The following HPR variants were observed in gnomAD, a reference collection of about 807,000 sequenced individuals.
HPR encodes the protein haptoglobin-related protein.
Under a neutral mutation model 18.5 loss-of-function variants are expected in HPR, and 17 were observed. The observed-to-expected ratio is 0.92, with a 90% CI of 0.63 to 1.38. The LOEUF (loss-of-function observed/expected upper bound fraction) is 1.38, where lower values mean the gene tolerates loss of function less well. HPR is among the 40% of genes most tolerant of loss of function. The pLI, the probability that HPR is intolerant of heterozygous loss-of-function variation, is 0.00. For synonymous variants in HPR, 176 were observed against 165.0 expected, an observed-to-expected ratio of 1.07 and a Z score of -0.51; for missense variants, 457 against 432.4, an observed-to-expected ratio of 1.06 and a Z score of -0.51.
At chr16:72,075,802 T>C (rs1567590976) in intron 4 of HPR, among the ~76,000 whole-genome samples, 1 of 152,218 alleles carries the variant, frequency 6.6e-6, no homozygotes, top group East Asian at 1.9e-4. Flanking sequence ...TGAATTATTG[T>C]AGCTCCTAGC....
Position 72,076,303 on chromosome 16 carries a change from T to C in HPR, c.269T>C (p.Val90Ala), listed in dbSNP as rs756454655. ...ACGAGTGTCTTGCTCTCCTTGACAG[T>C]ATGTGGGAAGCCCAAGAATCCGGCA... ...VGDKLPECEA[V>A]CGKPKNPANP... is the part of the protein sequence containing the mutation. The change falls in exon 5 of 5, where the codon GTA becomes GCA. Residue 90 changes from valine (V) to alanine (A), a missense_variant and splice_region_variant. Val to Ala is a moderately conservative substitution (Grantham distance 64). Coordinates refer to ENST00000540303, the MANE Select transcript of HPR (RefSeq NM_020995.4). The C allele has an allele frequency of 9.3e-6, 15 of 1,612,796 alleles. No homozygotes were observed. The highest frequency in any genetic ancestry group is 1.7e-4 in the Middle Eastern group (1 of 6,008).
chr16:72,067,390 G>A (rs571572966), intron 1 of HPR, among the ~76,000 whole-genome samples: 1 of 152,140 alleles, frequency 6.6e-6, no homozygotes, highest in East Asian at 1.9e-4. Flanking sequence ...AGAAAATACA[G>A]AAGTCAAGTA....
At position 72,076,735 on chromosome 16, in the gene HPR, T is replaced by C. The variant is rs1254092370; in HGVS notation, c.701T>C (p.Leu234Pro). ...SGWGQSDNFK[L>P]TDHLKYVMLP... ...TGGGGACAAAGTGACAACTTTAAAC[T>C]TACTGACCATCTGAAGTATGTCATG... The change falls in exon 5 of 5, where the codon CTT (leucine) becomes CCT (proline). Residue 234 changes from leucine (L) to proline (P), a missense_variant. By Grantham distance (98) the Leu-to-Pro change is moderately conservative (BLOSUM62 -3). Transcript: ENST00000540303. 2 of 1,614,198 alleles carry C rather than the reference T, an allele frequency of 1.2e-6. No individual in the cohort carries two copies. Among genetic ancestry groups the C allele is most frequent in the Non-Finnish European group, 1.7e-6 (2 of 1,180,038 alleles).
In HPR at chr16:72,077,053, G is replaced by C. The variant is rs776331917; in HGVS notation, c.1019G>C (p.Trp340Ser). 13 of 1,613,208 alleles carry C rather than the reference G, an allele frequency of 8.1e-6. No individual in the cohort carries two copies. The highest frequency in any genetic ancestry group is 1.3e-5 in the African/African-American group (1 of 74,696). Residue 340 changes from tryptophan (W) to serine (S), a missense_variant, in exon 5 of 5, where the codon TGG (tryptophan) becomes TCG (serine). Coordinates refer to ENST00000540303, the MANE Select transcript of HPR (RefSeq NM_020995.4). ...VYVKVTSIQH[W>S]VQKTIAEN ...GTGAAGGTGACTTCCATCCAGCACT[G>C]GGTTCAGAAGACCATAGCTGAGAAC...
chr16:72,067,166 A>G (rs2041606618), intron 1 of HPR, among the ~76,000 whole-genome samples: 1 of 152,204 alleles, frequency 6.6e-6, no homozygotes, highest in Non-Finnish European at 1.5e-5. Flanking sequence ...GAAGAGGAAC[A>G]GGGAAGTCAG....
chr16:72,077,087 G>T lies in HPR; in HGVS notation c.*6G>T. 1 of 1,602,740 alleles carries T rather than the reference G, an allele frequency of 6.2e-7. No homozygotes were observed. The highest frequency in any genetic ancestry group is 1.1e-5 in the South Asian group (1 of 90,220). On this transcript the variant is annotated 3_prime_UTR_variant, in exon 5 of 5. Transcript: ENST00000540303. ...AGACCATAGCTGAGAACTAATGCAAGGCTGGCCGGAAGCCCTTGCCTGAAA... is the reference window on the plus strand; with the variant it reads ...AGACCATAGCTGAGAACTAATGCAATGCTGGCCGGAAGCCCTTGCCTGAAA...
chr16:72,077,232 C>A lies in HPR; in HGVS notation c.*151C>A, dbSNP rs2041743268. On this transcript the variant is annotated 3_prime_UTR_variant, in exon 5 of 5. Coordinates refer to ENST00000540303, the MANE Select transcript of HPR (RefSeq NM_020995.4). ...CATTGCTGAGTCAATCAATAAAGAG[C>A]TTTCTTTTGACCCATTTCTGTGTTG... The A allele has an allele frequency of 9.4e-6, 7 of 743,422 alleles. No homozygotes were observed. Among genetic ancestry groups the A allele is most frequent in the Non-Finnish European group, 1.5e-5 (7 of 471,482 alleles). The allele number at this position is 743,422 out of a possible 1,614,324, so 46.1% of individuals were successfully genotyped here. A position where few individuals can be genotyped will look rare whatever the true frequency, so the allele number is the denominator to read the frequency against.
At chr16:72,069,748 C>G (rs1392862904) in intron 1 of HPR, among the ~76,000 whole-genome samples, 1 of 152,158 alleles carries the variant, frequency 6.6e-6, no homozygotes, top group Non-Finnish European at 1.5e-5. Context: ...AAAACCGCCC[C>G]TTGGAGAAAG....
intron 1 of HPR, among the ~76,000 whole-genome samples, chr16:72,065,341 AT>A (rs1341621990): frequency 6.6e-6 from 1 of 151,994 alleles, no homozygotes; most frequent in Non-Finnish European, 1.5e-5. Context: ...CTCCAGACAG[AT>A]AAAAAAGAAA....
intron 1 of HPR, among the ~76,000 whole-genome samples, chr16:72,071,425 GTATGGTAGTTCTCTTCCAAGA>G (rs1470089224): frequency 6.6e-6 from 1 of 152,196 alleles, no homozygotes; most frequent in African/African-American, 2.4e-5. Context: ...GGCATAAGCT[GTATGGTAGTTCTCTTCCAAGA>G]TCACACAGCC....
intron 1 of HPR, among the ~76,000 whole-genome samples, chr16:72,069,636 T>C (rs938667373): frequency 2.0e-5 from 3 of 152,214 alleles, no homozygotes; most frequent in African/African-American, 7.2e-5. Flanking sequence ...CCATGTGCGA[T>C]GCAGTTCTCA....
Position 72,074,397 on chromosome 16 carries a change from A to C in HPR, c.193+12A>C, listed in dbSNP as rs2041694535. 6.3e-7 allele frequency: 1 copy of C among 1,582,970 alleles called. No individual in the cohort carries two copies. The highest frequency in any genetic ancestry group is 1.3e-5 in the African/African-American group (1 of 74,410). On this transcript the variant is annotated intron_variant, in intron 3 of 4. Coordinates refer to ENST00000540303, the MANE Select transcript of HPR (RefSeq NM_020995.4). ...CACAGAAGGAGATGGTAAGACCTGG[A>C]CAACTATCTCTGTGCTCTACCTACA...
At chr16:72,073,700 G>C in intron 1 of HPR, 192 bp from the exon 2 acceptor site, 1 of 1,490,792 alleles carries the variant, frequency 6.7e-7, no homozygotes, top group South Asian at 1.2e-5. Flanking sequence ...GCGGAGGGTG[G>C]GGGCAACTTC....
At chr16:72,065,415 G>T (rs1271482719) in intron 1 of HPR, among the ~76,000 whole-genome samples, 1 of 152,008 alleles carries the variant, frequency 6.6e-6, no homozygotes, top group Admixed American at 6.6e-5. Flanking sequence ...CTAATATGAG[G>T]GATTGAGCCT....
chr16:72,072,165 C>T (rs568660398), intron 1 of HPR, among the ~76,000 whole-genome samples: 23 of 152,010 alleles, frequency 1.5e-4, no homozygotes, highest in Admixed American at 2.0e-4. Flanking sequence ...TGTGCCACCA[C>T]GCCTGGCTAA....
Position 72,063,430 on chromosome 16 carries a change from A to G in HPR, c.5+170A>G, listed in dbSNP as rs1211459690. Among the ~76,000 whole-genome samples the G allele has an allele frequency of 2.0e-5, 3 of 151,590 alleles. No individual in the cohort carries two copies. The East Asian group carries it at 5.9e-4, about 30-fold the overall frequency. On this transcript the variant is annotated intron_variant, in intron 1 of 4. Transcript: ENST00000540303. ...ATCTTCTCCTTTTCTGCATCCATAG[A>G]AGACAGTGCTGCTGTCTTTCCCAGG...
intron 1 of HPR, among the ~76,000 whole-genome samples, chr16:72,065,515 C>A (rs1430892878): frequency 1.3e-5 from 2 of 152,056 alleles, no homozygotes; most frequent in Admixed American, 1.3e-4. Context: ...TGATAGTCCC[C>A]TAGGTTTCAT....
Position 72,073,935 on chromosome 16 carries a change from C to T in HPR, c.49C>T (p.Leu17Phe), listed in dbSNP as rs762053973. 6.2e-7 allele frequency: 1 copy of T among 1,614,058 alleles called. No individual in the cohort carries two copies. The highest frequency in any genetic ancestry group is 8.5e-7 in the Non-Finnish European group (1 of 1,180,008). ...VISLLLWGRQ[L>F]FALYSGNDVT... Reference sequence around the variant, plus strand: ...TTCCCTCCTGCTCTGGGGACGACAGCTTTTTGCACTGTACTCAGGCAATGA... The same window carrying T: ...TTCCCTCCTGCTCTGGGGACGACAGTTTTTTGCACTGTACTCAGGCAATGA... Residue 17 changes from leucine to phenylalanine, a missense_variant, in exon 2 of 5, where the codon CTT becomes TTT. Leu to Phe is a conservative substitution (Grantham distance 22). Transcript: ENST00000540303.
At chr16:72,064,540 T>C (rs1283968758) in intron 1 of HPR, among the ~76,000 whole-genome samples, 2 of 152,198 alleles carry the variant, frequency 1.3e-5, no homozygotes, top group Non-Finnish European at 2.9e-5. Flanking sequence ...CTTTGCAAGT[T>C]AGCCAACCGG....
Sources: allele counts gnomAD v4.1 joint callset (sites outside exome capture counted in the v4.1 genomes callset), GRCh38; gene constraint gnomAD v4.1.1; transcripts MANE v1.5; gene names NCBI Gene and HGNC (gene_info 2026-07-23, HGNC 2026-07-21).